The following PCLO variants were observed in gnomAD, a reference collection of about 807,000 sequenced individuals.
The protein encoded by PCLO is protein piccolo.
PCLO carries 82 observed loss-of-function variants against 427.5 expected under a neutral mutation model. The observed-to-expected ratio is 0.19, with a 90% CI of 0.16 to 0.23. The LOEUF is 0.23. PCLO is among the 10% of genes least tolerant of loss of function. PCLO has a pLI of 1.00. For synonymous variants in PCLO, 2,357 were observed against 2,155.4 expected, an observed-to-expected ratio of 1.09 and a Z score of -2.59; for missense variants, 6,239 against 6,115.9, an observed-to-expected ratio of 1.02 and a Z score of -0.67.
chr7:82,980,759 C>A (rs1796128751), intron 3 of PCLO, among the ~76,000 whole-genome samples: 1 of 151,988 alleles, frequency 6.6e-6, no homozygotes. Context: ...AATGAGGGAA[C>A]TGACATTGCC....
At position 82,953,201 on chromosome 7, in the gene PCLO, T is replaced by C. The variant is rs1171203461; in HGVS notation, c.7752A>G (p.Thr2584=). 3 of 1,613,948 alleles carry C rather than the reference T, an allele frequency of 1.9e-6. No homozygotes were observed. The highest frequency in any genetic ancestry group is 1.1e-5 in the South Asian group (1 of 91,086). The change falls in exon 5 of 25, where the codon ACA becomes ACG. Residue 2584 remains threonine (T), a synonymous_variant. Coordinates refer to ENST00000333891, the MANE Select transcript of PCLO (RefSeq NM_033026.6). The stretch of plus-strand genomic sequence containing the variant: ...TTGGAGTCCCTGGTTCAGATGGCAA[T>C]GTAATAACTACATAAGTTTCTGTGA... ...KSLTETYVVI[T]LPSEPGTPTD...
At chr7:82,966,634 C>G (rs1795781469) in intron 3 of PCLO, 147 bp from the exon 4 acceptor site, 2 of 469,066 alleles carry the variant, frequency 4.3e-6, no homozygotes, top group South Asian at 5.4e-5. Flanking sequence ...TCCAATGACG[C>G]AGTAATTTTT....
chr7:82,783,473 T>G (rs1242530900), intron 22 of PCLO, among the ~76,000 whole-genome samples: 1 of 151,928 alleles, frequency 6.6e-6, no homozygotes, highest in South Asian at 2.1e-4. Flanking sequence ...AAAAAGAAAA[T>G]TAGCCGGGCA....
intron 3 of PCLO, among the ~76,000 whole-genome samples, chr7:83,045,111 T>G (rs865995151): frequency 6.6e-6 from 1 of 152,288 alleles, no homozygotes; most frequent in South Asian, 2.1e-4. Context: ...GCAAGGTATA[T>G]CTGATGCAAT....
chr7:83,155,645 T>C lies in PCLO; in HGVS notation c.996A>G (p.Pro332=). The C allele has an allele frequency of 6.2e-7, 1 of 1,613,072 alleles. No individual in the cohort carries two copies. The highest frequency in any genetic ancestry group is 2.2e-5 in the East Asian group (1 of 44,750). The part of the protein sequence containing the change: ...EKSQPGPAKP[P]AQPSGLTKPL... Reference sequence around the variant, plus strand: ...GCTTTGTTAGCCCTGAGGGCTGAGCTGGGGGCTTTGCAGGCCCAGGCTGTG... The same window carrying C: ...GCTTTGTTAGCCCTGAGGGCTGAGCCGGGGGCTTTGCAGGCCCAGGCTGTG... Residue 332 remains proline (P), a synonymous_variant, in exon 2 of 25, where the codon CCA becomes CCG. Transcript: ENST00000333891.
At chr7:82,957,185 CT>C (rs1795546964) in intron 4 of PCLO, among the ~76,000 whole-genome samples, 1 of 152,240 alleles carries the variant, frequency 6.6e-6, no homozygotes, top group East Asian at 1.9e-4. Flanking sequence ...CATAAATACT[CT>C]ACCTTTTCAC....
chr7:82,952,899 G>A lies in PCLO; in HGVS notation c.8054C>T (p.Thr2685Ile). Residue 2685 changes from threonine to isoleucine, a missense_variant, in exon 5 of 25, where the codon ACA becomes ATA. Physicochemically the swap from Thr to Ile is moderately conservative, Grantham distance 89. This residue lies in a region of PCLO where 4,677 missense variants were observed against 4,468.4 expected (regional missense o/e 1.05). Transcript: ENST00000333891. ...SKTEVSATRS[T>I]APSVGLSSIS... The stretch of plus-strand genomic sequence containing the variant: ...GCTGCTGAGACCAACACTAGGAGCT[G>A]TACTTCTGGTTGCTGAAACCTCAGT... 6.2e-7 allele frequency: 1 copy of A among 1,613,948 alleles called. No individual in the cohort carries two copies. Among genetic ancestry groups the A allele is most frequent in the Non-Finnish European group, 8.5e-7 (1 of 1,179,864 alleles).
At chr7:83,011,176 T>C (rs1037175877) in intron 3 of PCLO, among the ~76,000 whole-genome samples, 9 of 152,098 alleles carry the variant, frequency 5.9e-5, no homozygotes, top group Non-Finnish European at 1.2e-4. Flanking sequence ...GAAAAACTTT[T>C]ATTTACCTTG....
In PCLO at chr7:82,954,074, T is replaced by C. The variant is rs371995848; in HGVS notation, c.6879A>G (p.Leu2293=). 3 of 1,613,750 alleles carry C rather than the reference T, an allele frequency of 1.9e-6. No individual in the cohort carries two copies. The highest frequency in any genetic ancestry group is 1.7e-6 in the Non-Finnish European group (2 of 1,179,846). ...TCACTGGGTCCTTTTCAGATATAAGTAAGTCAGTAGAAACAGTGTCAGCAA... is the reference window on the plus strand; with the variant it reads ...TCACTGGGTCCTTTTCAGATATAAGCAAGTCAGTAGAAACAGTGTCAGCAA... ...GPVADTVSTD[L]LISEKDPVKK... is the part of the protein sequence containing the mutation. Residue 2293 remains leucine (L), a synonymous_variant, in exon 5 of 25, where the codon TTA becomes TTG. Coordinates refer to ENST00000333891, the MANE Select transcript of PCLO (RefSeq NM_033026.6).
At position 82,963,032 on chromosome 7, in the gene PCLO, G is replaced by T. The variant is rs1161150367; in HGVS notation, c.4017+2739C>A. ...AATAGAGGATTGCAAGTGTTTTTCA[G>T]TAATACAATACTTATTAGATAGCAA... On this transcript the variant is annotated intron_variant, in intron 4 of 24. Transcript: ENST00000333891. 2.0e-5 allele frequency among the ~76,000 whole-genome samples: 3 copies of T among 152,066 alleles called. No individual in the cohort carries two copies. In the East Asian group the frequency reaches 5.8e-4, roughly 29 times the overall value.
In PCLO at chr7:83,162,681, G is replaced by A. The variant is rs1792478820; in HGVS notation, c.-89C>T. 11 of 1,439,532 alleles carry A rather than the reference G, an allele frequency of 7.6e-6. No individual in the cohort carries two copies. Among genetic ancestry groups the A allele is most frequent in the Non-Finnish European group, 7.3e-6 (8 of 1,096,680 alleles). 89.2% of individuals were successfully genotyped at this position (1,439,532 alleles called of 1,614,324 possible). On this transcript the variant is annotated 5_prime_UTR_variant, in exon 1 of 25. Coordinates refer to ENST00000333891, the MANE Select transcript of PCLO (RefSeq NM_033026.6). ...CGGCCAGGGGAGCAGTCAGAGCCGG[G>A]GTCCGCCTCGGGGCGTGCAGGCAGC...
intron 3 of PCLO, among the ~76,000 whole-genome samples, chr7:83,024,395 G>A (rs62458585): frequency 0.14 from 22,063 of 152,194 alleles, 1,714 homozygotes; most frequent in Middle Eastern, 0.23. Context: ...GCACTTTTCC[G>A]ATGAGCTTAA....
Position 82,952,519 on chromosome 7 carries a change from T to C in PCLO, c.8434A>G (p.Ser2812Gly). 1 of 1,613,974 alleles carries C rather than the reference T, an allele frequency of 6.2e-7. No homozygotes were observed. ...ATTGCATGTTCTGCACCCACTAGGC[T>C]TTCTGTGCCTGTAGTGTAACTTGCA... ...ASASYTTGTE[S>G]LVGAEHAMTT... The change falls in exon 5 of 25, where the codon AGC becomes GGC. Residue 2812 changes from serine (S) to glycine (G), a missense_variant. By Grantham distance (56) the Ser-to-Gly change is moderately conservative (BLOSUM62 0). Around this residue, in one of 5 missense-constraint regions of PCLO, gnomAD observed 4,677 missense variants for 4,468.4 expected, o/e 1.05. Coordinates refer to ENST00000333891, the MANE Select transcript of PCLO (RefSeq NM_033026.6).
At chr7:82,964,901 G>C (rs376377128) in intron 4 of PCLO, among the ~76,000 whole-genome samples, 184 of 152,282 alleles carry the variant, frequency 1.2e-3, no homozygotes, top group African/African-American at 4.2e-3. Flanking sequence ...GAATCACAGT[G>C]AAACAAACTA....
chr7:82,937,577 T>A (rs550624327), intron 6 of PCLO, among the ~76,000 whole-genome samples: 3 of 151,680 alleles, frequency 2.0e-5, no homozygotes, highest in Non-Finnish European at 4.4e-5. Context: ...TTGGAAACTT[T>A]ATCTAATTTT....
chr7:82,937,654 G>GT (rs1469191816), intron 6 of PCLO, among the ~76,000 whole-genome samples: 18 of 151,534 alleles, frequency 1.2e-4, no homozygotes, highest in Non-Finnish European at 2.2e-4. Context: ...GAAATCAATA[G>GT]TTTTTTCCCT....
At chr7:83,130,666 G>A (rs866492063) in intron 3 of PCLO, among the ~76,000 whole-genome samples, 2 of 152,074 alleles carry the variant, frequency 1.3e-5, no homozygotes, top group Non-Finnish European at 2.9e-5. Context: ...AGGAAGATAT[G>A]TGTTTGCAAA....
intron 3 of PCLO, among the ~76,000 whole-genome samples, chr7:83,097,607 G>GT (rs1790625989): frequency 7.2e-6 from 1 of 138,372 alleles, no homozygotes; most frequent in Non-Finnish European, 1.5e-5. Context: ...TTACTCCTCT[G>GT]TTTTTTCACG....
intron 3 of PCLO, among the ~76,000 whole-genome samples, chr7:83,007,433 AG>A (rs1787974364): frequency 1.2e-5 from 1 of 83,846 alleles, no homozygotes; most frequent in Non-Finnish European, 2.5e-5. Context: ...AATCATAACT[AG>A]ACAAATAATG....
Sources: gnomAD v4.1 joint callset for allele counts (sites outside exome capture counted in the v4.1 genomes callset) on GRCh38, gnomAD v4.1.1 for gene constraint, gnomAD v4.1.1 regional missense constraint, MANE v1.5 for transcripts, NCBI Gene and HGNC (gene_info 2026-07-23, HGNC 2026-07-21) for gene names.